Variants in SCN4B observed in about 807,000 individuals in gnomAD.
SCN4B encodes the protein sodium voltage-gated channel beta subunit 4.
In SCN4B, 20 loss-of-function variants were observed where a neutral mutation model predicts 19.6. The observed-to-expected ratio is 1.02, with a 90% CI of 0.72 to 1.48. SCN4B has a LOEUF of 1.48. SCN4B is among the 40% of genes most tolerant of loss of function. The pLI, the probability that SCN4B is intolerant of heterozygous loss-of-function variation, is 0.00. For synonymous variants in SCN4B, 127 were observed against 122.8 expected, an observed-to-expected ratio of 1.03 and a Z score of -0.22; for missense variants, 271 against 287.5, an observed-to-expected ratio of 0.94 and a Z score of 0.42.
At chr11:118,150,140 A>G (rs935726927) in intron 1 of SCN4B, among the ~76,000 whole-genome samples, 1 of 152,212 alleles carries the variant, frequency 6.6e-6, no homozygotes, top group Non-Finnish European at 1.5e-5. Flanking sequence ...ACAAGTGATA[A>G]TTAAACACAG....
intron 4 of SCN4B, among the ~76,000 whole-genome samples, chr11:118,138,373 T>C (rs1948050986): frequency 6.6e-6 from 1 of 152,218 alleles, no homozygotes; most frequent in South Asian, 2.1e-4. Flanking sequence ...ACTAGGCTTC[T>C]GGAAGTTGAT....
intron 1 of SCN4B, among the ~76,000 whole-genome samples, chr11:118,147,625 A>G (rs1948194301): frequency 6.6e-6 from 1 of 152,204 alleles, no homozygotes; most frequent in Non-Finnish European, 1.5e-5. Context: ...GCCAGACACA[A>G]GATCCCACTC....
In SCN4B at chr11:118,145,061, T is replaced by C. The variant is rs1948152805; in HGVS notation, c.230A>G (p.Lys77Arg). The C allele has an allele frequency of 1.2e-6, 2 of 1,614,064 alleles. No homozygotes were observed. Among genetic ancestry groups the C allele is most frequent in the African/African-American group, 1.3e-5 (1 of 75,008 alleles). The stretch of plus-strand genomic sequence containing the variant: ...GTTCTTCCTCCAAATACTTACAATC[T>C]TGAATGCGTCACTGCTGTTGTAGGT... ...RWTYNSSDAFKILIEGTVKNE... is the reference protein window; with the variant it reads ...RWTYNSSDAFRILIEGTVKNE... Residue 77 changes from lysine (K) to arginine (R), a missense_variant, in exon 2 of 5, where the codon AAG becomes AGG. Lys to Arg is a conservative substitution (Grantham distance 26). Transcript: ENST00000324727.
chr11:118,138,773 C>T (rs1948057200), intron 4 of SCN4B, among the ~76,000 whole-genome samples: 1 of 152,090 alleles, frequency 6.6e-6, no homozygotes, highest in Admixed American at 6.5e-5. Flanking sequence ...TGGAAGTATA[C>T]CTTAAACTTC....
Position 118,134,173 on chromosome 11 carries a change from C to T in SCN4B, c.*2854G>A, listed in dbSNP as rs745340521. ...AACATCAGGGGTTTATTCGGGCTGC[C>T]TTCTGTTCAATTACGACATGGGGAG... On this transcript the variant is annotated 3_prime_UTR_variant, in exon 5 of 5. Coordinates refer to ENST00000324727, the MANE Select transcript of SCN4B (RefSeq NM_174934.4). 2.2e-6 allele frequency: 1 copy of T among 454,222 alleles called. No individual in the cohort carries two copies. The highest frequency in any genetic ancestry group is 1.6e-5 in the South Asian group (1 of 64,478). The allele number at this position is 454,222 out of a possible 1,614,324, so 28.1% of individuals were successfully genotyped here. A position where few individuals can be genotyped will look rare whatever the true frequency, so the allele number is the denominator to read the frequency against.
Position 118,139,561 on chromosome 11 carries a change from G to A in SCN4B, c.593+1646C>T, listed in dbSNP as rs569362952. Among the ~76,000 whole-genome samples, 5 of 152,304 alleles carry A rather than the reference G, an allele frequency of 3.3e-5. No individual in the cohort carries two copies. The East Asian group carries it at 5.8e-4, about 18-fold the overall frequency. ...CATCTGGCACAGTGCCTCAAAAACA[G>A]CCACAAAATGAACAGATAAATGAAT... On this transcript the variant is annotated intron_variant, in intron 4 of 4. Transcript: ENST00000324727.
chr11:118,151,667 C>T (rs1948233813), intron 1 of SCN4B, among the ~76,000 whole-genome samples: 1 of 152,340 alleles, frequency 6.6e-6, no homozygotes, highest in South Asian at 2.1e-4. Flanking sequence ...AATACCTACA[C>T]CGTGTGTCTT....
At chr11:118,140,666 A>G (rs1051965815) in intron 4 of SCN4B, among the ~76,000 whole-genome samples, 1 of 152,098 alleles carries the variant, frequency 6.6e-6, no homozygotes, top group African/African-American at 2.4e-5. Flanking sequence ...TTCCCCTTAT[A>G]GATGTCTATT....
At chr11:118,141,715 A>G (rs1276920599) in intron 3 of SCN4B, 1 of 292,418 alleles carries the variant, frequency 3.4e-6, no homozygotes, top group Non-Finnish European at 6.6e-6. Flanking sequence ...TCACACAGAA[A>G]AAATTAAGAA....
chr11:118,141,259 G>T lies in SCN4B; in HGVS notation c.541C>A (p.Leu181Met). The T allele has an allele frequency of 1.2e-6, 2 of 1,612,866 alleles. No individual in the cohort carries two copies. Among genetic ancestry groups the T allele is most frequent in the East Asian group, 4.5e-5 (2 of 44,888 alleles). Residue 181 changes from leucine to methionine, a missense_variant, in exon 4 of 5, where the codon CTG becomes ATG. Transcript: ENST00000324727. ...AAGATGATGAGTTTCTTGATCAGCAGGATGAGGATGAGGAGCCCGATGACC... is the reference window on the plus strand; with the variant it reads ...AAGATGATGAGTTTCTTGATCAGCATGATGAGGATGAGGAGCCCGATGACC... ...GGVIGLLILI[L>M]LIKKLIIFIL...
rs1302366251 is a variant in SCN4B at position 118,134,202 on chromosome 11, C to T, written c.*2825G>A. 6.6e-6 allele frequency: 3 copies of T among 454,156 alleles called. No individual in the cohort carries two copies. The Admixed American group carries it at 7.0e-5, about 11-fold the overall frequency. The allele number at this position is 454,156 out of a possible 1,614,324, so 28.1% of individuals were successfully genotyped here. A position where few individuals can be genotyped will look rare whatever the true frequency, so the allele number is the denominator to read the frequency against. On this transcript the variant is annotated 3_prime_UTR_variant, in exon 5 of 5. Transcript: ENST00000324727. ...TGTTCAATTACGACATGGGGAGAAG[C>T]CCAGAACCTGGAATGCTGATTTCAT...
intron 3 of SCN4B, among the ~76,000 whole-genome samples, chr11:118,143,024 C>T (rs550619877): frequency 6.6e-6 from 1 of 152,352 alleles, no homozygotes; most frequent in South Asian, 2.1e-4. Flanking sequence ...AGCAAACTCC[C>T]GGTACACACA....
intron 4 of SCN4B, among the ~76,000 whole-genome samples, chr11:118,139,888 C>CTTTTTTTTTTTTT (rs5795120): frequency 9.3e-5 from 13 of 139,726 alleles, no homozygotes; most frequent in South Asian, 4.6e-4. Context: ...TCTAGCATTC[C>CTTTTTTTTTTTTT]TTTTTTTTTT....
intron 4 of SCN4B, among the ~76,000 whole-genome samples, chr11:118,139,227 G>A (rs182317791): frequency 2.9e-4 from 44 of 151,674 alleles, no homozygotes; most frequent in Middle Eastern, 3.4e-3. Context: ...TTGTTCTCCA[G>A]ACAAGCCCAC....
rs1318096470 is a variant in SCN4B, at chr11:118,145,207, G to C, written c.84C>G (p.Thr28=). ...TTCCCACAGACACCTCCAGCGACAGGGTTACGGGGAGCAGGAAGAGGCCTG... is the reference window on the plus strand; with the variant it reads ...TTCCCACAGACACCTCCAGCGACAGCGTTACGGGGAGCAGGAAGAGGCCTG... ...GLLGLFLLPV[T]LSLEVSVGKA... The change falls in exon 2 of 5, where the codon ACC becomes ACG. Residue 28 remains threonine (T), a synonymous_variant. Coordinates refer to ENST00000324727, the MANE Select transcript of SCN4B (RefSeq NM_174934.4). The C allele has an allele frequency of 9.3e-6, 15 of 1,614,118 alleles. No individual in the cohort carries two copies. Among genetic ancestry groups the C allele is most frequent in the Non-Finnish European group, 1.2e-5 (14 of 1,180,010 alleles).
chr11:118,137,324 G>A (rs550793078), intron 4 of SCN4B, among the ~76,000 whole-genome samples: 7 of 152,332 alleles, frequency 4.6e-5, no homozygotes, highest in Admixed American at 2.0e-4. Flanking sequence ...GACCTTCTGC[G>A]TGGGGTTGCT....
In SCN4B at chr11:118,134,566, T is replaced by A. The variant is rs1297239262; in HGVS notation, c.*2461A>T. On this transcript the variant is annotated 3_prime_UTR_variant, in exon 5 of 5. Transcript: ENST00000324727. Reference sequence around the variant, plus strand: ...AACCAAAAATGCCCCCCCTACAATCTCAGTCACCTCTATTGAAAACCATCA... The same window carrying A: ...AACCAAAAATGCCCCCCCTACAATCACAGTCACCTCTATTGAAAACCATCA... 1 of 453,954 alleles carries A rather than the reference T, an allele frequency of 2.2e-6. No homozygotes were observed. The highest frequency in any genetic ancestry group is 2.3e-5 in the Admixed American group (1 of 42,556). The allele number at this position is 453,954 out of a possible 1,614,324, so 28.1% of individuals were successfully genotyped here.
At position 118,136,803 on chromosome 11, in the gene SCN4B, T is replaced by A; in HGVS notation, c.*224A>T. On this transcript the variant is annotated 3_prime_UTR_variant, in exon 5 of 5. Transcript: ENST00000324727. ...TAGCCTCTCCTTTCTTTCTCCTGAA[T>A]CTTCCACAGACCCCCTCCCCTGGCC... The A allele has an allele frequency of 3.0e-6, 2 of 658,906 alleles. No individual in the cohort carries two copies. The highest frequency in any genetic ancestry group is 2.8e-6 in the Non-Finnish European group (1 of 357,938). The allele number at this position is 658,906 out of a possible 1,614,324, so 40.8% of individuals were successfully genotyped here.
chr11:118,140,541 C>T (rs1179961407), intron 4 of SCN4B, among the ~76,000 whole-genome samples: 3 of 152,194 alleles, frequency 2.0e-5, no homozygotes, highest in Non-Finnish European at 4.4e-5. Flanking sequence ...ATGCCTTTTC[C>T]CTGCTCTAGT....
Sources: gnomAD v4.1 joint callset for allele counts (sites outside exome capture counted in the v4.1 genomes callset) on GRCh38, gnomAD v4.1.1 for gene constraint, MANE v1.5 for transcripts, NCBI Gene and HGNC (gene_info 2026-07-23, HGNC 2026-07-21) for gene names.